Variants in SH3KBP1 observed in about 807,000 individuals in gnomAD.
SH3KBP1 encodes SH3 domain containing kinase binding protein 1, also known as SH3 domain-containing kinase-binding protein 1.
In SH3KBP1, 8 loss-of-function variants were observed where a neutral mutation model predicts 50.1. The observed-to-expected ratio is 0.16, with a 90% CI of 0.09 to 0.29. The LOEUF is 0.29. SH3KBP1 is among the 10% of genes least tolerant of loss of function. The pLI is 1.00. For missense variants in SH3KBP1, 377 were observed against 535.2 expected (o/e 0.70, Z 2.92); for synonymous variants, 227 against 218.6 (o/e 1.04, Z -0.34).
intron 7 of SH3KBP1, among the ~76,000 whole-genome samples, chrX:19,638,511 C>T (rs776363455): frequency 1.3e-4 from 14 of 110,805 alleles, no homozygotes; most frequent in Non-Finnish European, 1.7e-4. Flanking sequence ...ATCAACTGGG[C>T]CCCACCCCCA....
At chrX:19,675,077 T>TAAAA (rs1234111246) in intron 6 of SH3KBP1, among the ~76,000 whole-genome samples, 1 of 101,927 alleles carries the variant, frequency 9.8e-6, no homozygotes, top group African/African-American at 4.0e-5. Flanking sequence ...AGACCCTGCC[T>TAAAA]CAAATAAATA....
chrX:19,811,941 C>G (rs976549890), intron 2 of SH3KBP1, among the ~76,000 whole-genome samples: 3 of 111,749 alleles, frequency 2.7e-5, no homozygotes, highest in South Asian at 3.7e-4. Context: ...GGGCCTCCCC[C>G]ACACCTCCTG....
chrX:19,788,558 T>C (rs1290736644), intron 2 of SH3KBP1, among the ~76,000 whole-genome samples: 1 of 111,649 alleles, frequency 9.0e-6, no homozygotes, highest in Non-Finnish European at 1.9e-5. Flanking sequence ...TGTGGTACTT[T>C]GTCACAGCAG....
intron 2 of SH3KBP1, among the ~76,000 whole-genome samples, chrX:19,807,415 C>T (rs2067080599): frequency 9.0e-6 from 1 of 111,296 alleles, no homozygotes; most frequent in Non-Finnish European, 1.9e-5. Context: ...CTTGTTCACG[C>T]CTCTGGGCAA....
intron 11 of SH3KBP1, among the ~76,000 whole-genome samples, chrX:19,589,630 C>G (rs752070447): frequency 2.5e-4 from 28 of 110,725 alleles, no homozygotes; most frequent in South Asian, 3.9e-4. Flanking sequence ...CCCAACTAGC[C>G]TTGCTCCGTG....
intron 1 of SH3KBP1, among the ~76,000 whole-genome samples, chrX:19,855,349 C>CT (rs2068618851): frequency 8.9e-6 from 1 of 111,986 alleles, no homozygotes; most frequent in African/African-American, 3.2e-5. Context: ...ATGTTCCACT[C>CT]TAACACCTCA....
chrX:19,837,462 CTTTTTTTT>C (rs777871798), intron 1 of SH3KBP1, among the ~76,000 whole-genome samples: 10 of 72,753 alleles, frequency 1.4e-4, no homozygotes, highest in Admixed American at 1.2e-3. Flanking sequence ...TTTCATAACA[CTTTTTTTT>C]TTTTTTTTTT....
chrX:19,710,843 A>G (rs2063760924), intron 3 of SH3KBP1, among the ~76,000 whole-genome samples: 1 of 110,879 alleles, frequency 9.0e-6, no homozygotes, highest in Admixed American at 9.6e-5. Flanking sequence ...AGCCGATCTA[A>G]TGATAACTGA....
chrX:19,872,846 C>T (rs1259617860), intron 1 of SH3KBP1, among the ~76,000 whole-genome samples: 1 of 109,140 alleles, frequency 9.2e-6, no homozygotes, highest in Non-Finnish European at 1.9e-5. Flanking sequence ...CACACACACA[C>T]ACACACACAC....
intron 1 of SH3KBP1, among the ~76,000 whole-genome samples, chrX:19,855,742 G>A (rs1293391862): frequency 8.9e-6 from 1 of 112,057 alleles, no homozygotes; most frequent in African/African-American, 3.2e-5. Flanking sequence ...CTGAGTATAT[G>A]TTTAATGATG....
intron 3 of SH3KBP1, among the ~76,000 whole-genome samples, chrX:19,727,698 C>T (rs1603127677): frequency 8.9e-6 from 1 of 112,333 alleles, no homozygotes; most frequent in African/African-American, 3.2e-5. Flanking sequence ...TAAAAAATAT[C>T]ACTTAGGCCG....
At chrX:19,793,313 AAT>A (rs777838672) in intron 2 of SH3KBP1, among the ~76,000 whole-genome samples, 4,028 of 96,871 alleles carry the variant, frequency 0.042, 92 homozygotes, top group African/African-American at 0.07. Context: ...AGGAAAAAAA[AAT>A]ATATATATAT....
intron 2 of SH3KBP1, among the ~76,000 whole-genome samples, chrX:19,773,856 GAAA>G (rs59381892): frequency 2.0e-4 from 3 of 14,921 alleles, no homozygotes; most frequent in Admixed American, 9.7e-4. Context: ...ACTCCGGCTC[GAAA>G]AAAAAAAAAA....
At chrX:19,540,788 AAT>A (rs1039327822) in intron 16 of SH3KBP1, among the ~76,000 whole-genome samples, 4 of 111,917 alleles carry the variant, frequency 3.6e-5, no homozygotes, top group African/African-American at 1.3e-4. Flanking sequence ...TGCTCTTGGC[AAT>A]CCTAAATCAT....
chrX:19,695,577 G>GC, intron 5 of SH3KBP1, 35 bp downstream of exon 5: 1 of 1,202,795 alleles, frequency 8.3e-7, no homozygotes, highest in South Asian at 1.8e-5. Context: ...CCGGTCCCCC[G>GC]CCCCTCTCCT....
intron 3 of SH3KBP1, among the ~76,000 whole-genome samples, chrX:19,720,272 T>C (rs2064020318): frequency 1.8e-5 from 2 of 110,778 alleles, no homozygotes; most frequent in East Asian, 5.7e-4. Flanking sequence ...TCAATCCAAA[T>C]AACCCAACCT....
chrX:19,575,046 T>A (rs1317659496), intron 12 of SH3KBP1, among the ~76,000 whole-genome samples: 1 of 112,116 alleles, frequency 8.9e-6, no homozygotes, highest in South Asian at 3.7e-4. Context: ...TAATACAACA[T>A]CCCTGTTTGA....
At chrX:19,677,184 T>C (rs1297520906) in intron 6 of SH3KBP1, among the ~76,000 whole-genome samples, 1 of 111,917 alleles carries the variant, frequency 8.9e-6, no homozygotes, top group Non-Finnish European at 1.9e-5. Flanking sequence ...GTCCTGAGAC[T>C]CACTCGAGTA....
At chrX:19,770,638 A>G (rs939877448) in intron 2 of SH3KBP1, among the ~76,000 whole-genome samples, 2 of 110,767 alleles carry the variant, frequency 1.8e-5, no homozygotes, top group Non-Finnish European at 3.8e-5. Context: ...ACAGTGGTTG[A>G]ACTAATTTAC....
Sources: allele counts gnomAD v4.1 joint callset (sites outside exome capture counted in the v4.1 genomes callset), GRCh38; gene constraint gnomAD v4.1.1; transcripts MANE v1.5; gene names NCBI Gene and HGNC (gene_info 2026-07-23, HGNC 2026-07-21).